PRSS23: variants seen among roughly 807,000 people sequenced by gnomAD.
PRSS23 encodes the protein serine protease 23, also known as protease, serine 23.
Under a neutral mutation model 34.7 loss-of-function variants are expected in PRSS23, and 25 were observed. The observed-to-expected ratio is 0.72, with a 90% CI of 0.53 to 1.01. The LOEUF (loss-of-function observed/expected upper bound fraction) is 1.01. Ranked by LOEUF, PRSS23 falls within the 50% of genes least tolerant of loss-of-function variation. The pLI is 0.00. For missense variants in PRSS23, 445 were observed against 475.6 expected, an observed-to-expected ratio of 0.94 and a Z score of 0.60; for synonymous variants, 176 against 186.6, an observed-to-expected ratio of 0.94 and a Z score of 0.46.
intron 2 of PRSS23, among the ~76,000 whole-genome samples, chr11:86,863,503 A>T (rs1389027748): frequency 6.6e-6 from 1 of 152,184 alleles, no homozygotes; most frequent in Non-Finnish European, 1.5e-5. Flanking sequence ...GCCAAGAAGT[A>T]ACTCAGTCTA....
At chr11:86,916,088 T>C (rs1949010967) in intron 2 of PRSS23, among the ~76,000 whole-genome samples, 1 of 152,006 alleles carries the variant, frequency 6.6e-6, no homozygotes, top group Admixed American at 6.6e-5. Context: ...GTGCATAATA[T>C]ATAAGGAAGT....
At chr11:86,952,498 C>G in exon 3 of PRSS23, 1 of 1,603,332 alleles carries the variant, frequency 6.2e-7, no homozygotes, top group Non-Finnish European at 8.5e-7. Flanking sequence ...TGAACACACA[C>G]AAAAAAAACA....
At chr11:86,952,191 C>T in exon 3 of PRSS23, 1 of 1,613,240 alleles carries the variant, frequency 6.2e-7, no homozygotes, top group Non-Finnish European at 8.5e-7. Flanking sequence ...ATGTACTGAT[C>T]AGAATTGGTT....
At chr11:86,882,960 T>C (rs745940809) in intron 2 of PRSS23, among the ~76,000 whole-genome samples, 1 of 152,242 alleles carries the variant, frequency 6.6e-6, no homozygotes, top group Non-Finnish European at 1.5e-5. Context: ...TCAGTGATGT[T>C]CAGCTTTTTT....
rs142318478 is a variant in PRSS23, at chr11:86,885,973, A to AATG, written c.206+62396_206+62398dup. Among the ~76,000 whole-genome samples, 16 of 152,144 alleles carry AATG rather than the reference A, an allele frequency of 1.1e-4. No homozygotes were observed. The South Asian group carries it at 1.7e-3, about 16-fold the overall frequency. ...GGCAAGTGTGGGCTATCTGGTAGTT[A>AATG]ATGATGATGATGATGATGGTGATAG... On this transcript the variant is annotated intron_variant, in intron 2 of 2. Coordinates refer to the PRSS23 transcript ENST00000533902.
At chr11:86,865,775 A>T (rs989295484) in intron 2 of PRSS23, among the ~76,000 whole-genome samples, 9 of 152,178 alleles carry the variant, frequency 5.9e-5, no homozygotes, top group African/African-American at 2.2e-4. Flanking sequence ...AGGTGTTCTC[A>T]TGCTCCTTGG....
chr11:86,833,410 A>G (rs1450415410), intron 2 of PRSS23: 2 of 612,174 alleles, frequency 3.3e-6, no homozygotes, highest in Non-Finnish European at 3.1e-6. Flanking sequence ...ATCCTCTGAG[A>G]GTTCTAGGAG....
At chr11:86,881,824 A>AGT (rs1003230139) in intron 2 of PRSS23, among the ~76,000 whole-genome samples, 1 of 152,184 alleles carries the variant, frequency 6.6e-6, no homozygotes, top group African/African-American at 2.4e-5. Flanking sequence ...CAAATTCATT[A>AGT]GTGTGTGTCT....
intron 2 of PRSS23, among the ~76,000 whole-genome samples, chr11:86,866,171 A>G (rs1000862831): frequency 2.6e-5 from 4 of 152,196 alleles, no homozygotes; most frequent in Non-Finnish European, 5.9e-5. Flanking sequence ...CCAGCCCCTC[A>G]AAGTGGTAAG....
chr11:86,939,786 G>C (rs972774949), intron 2 of PRSS23, among the ~76,000 whole-genome samples: 1 of 147,918 alleles, frequency 6.8e-6, no homozygotes, highest in African/African-American at 2.5e-5. Context: ...TAAAGGGGTG[G>C]GTGGGGGGGA....
In PRSS23 at chr11:86,808,381, T is replaced by C; in HGVS notation, c.738T>C (p.Asp246=). 6.2e-7 allele frequency: 1 copy of C among 1,614,196 alleles called. No individual in the cohort carries two copies. Among genetic ancestry groups the C allele is most frequent in the Non-Finnish European group, 8.5e-7 (1 of 1,180,046 alleles). Residue 246 remains aspartate (D), a synonymous_variant, in exon 2 of 2, where the codon GAT becomes GAC. Coordinates refer to ENST00000280258, the MANE Select transcript of PRSS23 (RefSeq NM_007173.6). The part of the protein sequence containing the change: ...GNANDIGMDY[D]YALLELKKPH... ...CCAATGACATCGGCATGGATTATGA[T>C]TATGCCCTCCTGGAACTCAAAAAGC...
intron 1 of PRSS23, among the ~76,000 whole-genome samples, chr11:86,806,715 C>A (rs1948105707): frequency 6.6e-6 from 1 of 152,210 alleles, no homozygotes; most frequent in Admixed American, 6.5e-5. Context: ...CGTCAGCATG[C>A]AACATTCATT....
intron 2 of PRSS23, among the ~76,000 whole-genome samples, chr11:86,893,269 A>G (rs549651639): frequency 9.8e-5 from 15 of 152,334 alleles, no homozygotes; most frequent in Admixed American, 9.8e-4. Context: ...GTATGAGAGA[A>G]TAAACTTCTA....
chr11:86,860,737 T>C (rs1216426134), intron 2 of PRSS23, among the ~76,000 whole-genome samples: 1 of 151,836 alleles, frequency 6.6e-6, no homozygotes, highest in Admixed American at 6.6e-5. Flanking sequence ...GGCCGGTGGT[T>C]TGACCCCCCT....
At chr11:86,943,795 G>A (rs959439636) in intron 2 of PRSS23, among the ~76,000 whole-genome samples, 1 of 151,964 alleles carries the variant, frequency 6.6e-6, no homozygotes, top group Non-Finnish European at 1.5e-5. Flanking sequence ...CCAGGCTGAA[G>A]TGCAATGGCA....
intron 2 of PRSS23, among the ~76,000 whole-genome samples, chr11:86,888,132 C>CA (rs1435639758): frequency 4.2e-4 from 30 of 71,444 alleles, no homozygotes; most frequent in South Asian, 4.1e-3. Context: ...AAAAACAAAA[C>CA]AAAACAAAAC....
At position 86,939,423 on chromosome 11, in the gene PRSS23, T is replaced by TTTTTTTTTTAAAAAAAA. The variant is rs1565392807; in HGVS notation, c.207-11793_207-11792insTTTTTTTTTAAAAAAAA. Among the ~76,000 whole-genome samples the TTTTTTTTTTAAAAAAAA allele has an allele frequency of 3.0e-5, 3 of 100,430 alleles. 1 individual carries two copies. The highest frequency in any genetic ancestry group is 6.7e-5 in the Non-Finnish European group (3 of 44,566). 65.9% of individuals were successfully genotyped at this position (100,430 alleles called of 152,430 possible). A position where few individuals can be genotyped will look rare whatever the true frequency, so the allele number is the denominator to read the frequency against. Reference sequence around the variant, plus strand: ...AAAAAAATATATATATATATATATATATATTTTTTAACATGAGTAAAAATT... The same window carrying TTTTTTTTTTAAAAAAAA: ...AAAAAAATATATATATATATATATATTTTTTTTTTAAAAAAAAATATTTTTTAACATGAGTAAAAATT... On this transcript the variant is annotated intron_variant, in intron 2 of 2. Coordinates refer to the PRSS23 transcript ENST00000533902.
At position 86,808,293 on chromosome 11, in the gene PRSS23, T is replaced by C. The variant is rs764498472; in HGVS notation, c.650T>C (p.Met217Thr). The change falls in exon 2 of 2, where the codon ATG becomes ACG. Residue 217 changes from methionine to threonine, a missense_variant. Physicochemically the swap from Met to Thr is moderately conservative, Grantham distance 81. Coordinates refer to ENST00000280258, the MANE Select transcript of PRSS23 (RefSeq NM_007173.6). ...TCCACTTCAGCCATGCCCGAGCAGA[T>C]GAAATTTCAGTGGATCCGGGTGAAA... ...NDSTSAMPEQMKFQWIRVKRT... is the reference protein window; with the variant it reads ...NDSTSAMPEQTKFQWIRVKRT... 15 of 1,613,990 alleles carry C rather than the reference T, an allele frequency of 9.3e-6. No homozygotes were observed. The East Asian group carries it at 1.3e-4, about 14-fold the overall frequency.
chr11:86,868,231 G>T (rs1018022572), intron 2 of PRSS23, among the ~76,000 whole-genome samples: 4 of 152,204 alleles, frequency 2.6e-5, no homozygotes, highest in Admixed American at 2.0e-4. Flanking sequence ...ACTCAATGGA[G>T]TGAAAGAAGC....
Sources: gnomAD v4.1 joint callset for allele counts (sites outside exome capture counted in the v4.1 genomes callset) on GRCh38, gnomAD v4.1.1 for gene constraint, MANE v1.5 for transcripts, NCBI Gene and HGNC (gene_info 2026-07-23, HGNC 2026-07-21) for gene names.